LRPPRC: variants seen among roughly 807,000 people sequenced by gnomAD.
LRPPRC encodes the protein leucine rich pentatricopeptide repeat containing.
In LRPPRC, 120 loss-of-function variants were observed where a neutral mutation model predicts 180.3. The observed-to-expected ratio is 0.67, with a 90% CI of 0.57 to 0.77. The LOEUF is 0.77. LRPPRC is among the 30% of genes least tolerant of loss of function. LRPPRC has a pLI of 0.00. For synonymous variants in LRPPRC, 723 were observed against 600.0 expected, an observed-to-expected ratio of 1.21 and a Z score of -3.00; for missense variants, 2,012 against 1,657.2, an observed-to-expected ratio of 1.21 and a Z score of -3.72.
At chr2:43,948,992 G>A (rs1388831670) in intron 16 of LRPPRC, among the ~76,000 whole-genome samples, 1 of 152,088 alleles carries the variant, frequency 6.6e-6, no homozygotes, top group Non-Finnish European at 1.5e-5. Flanking sequence ...TAATCCTGTG[G>A]AGAGCTGCCT....
intron 35 of LRPPRC, 151 bp downstream of exon 35, chr2:43,896,483 A>C (rs558009491): frequency 1.7e-5 from 11 of 629,480 alleles, no homozygotes; most frequent in Middle Eastern, 5.2e-4. Flanking sequence ...ACAGACGACA[A>C]AACTGACTCT....
intron 1 of LRPPRC, among the ~76,000 whole-genome samples, chr2:43,993,917 T>C (rs1295934793): frequency 6.6e-6 from 1 of 151,758 alleles, no homozygotes; most frequent in Non-Finnish European, 1.5e-5. Flanking sequence ...GGAAAGGCCT[T>C]TACAGATAAT....
At chr2:43,934,637 T>A (rs1672206758) in intron 24 of LRPPRC, 117 bp downstream of exon 24, 11 of 820,616 alleles carry the variant, frequency 1.3e-5, no homozygotes, top group Middle Eastern at 3.0e-4. Context: ...TTCACAAGTA[T>A]AAAGAAAGTT....
chr2:43,893,344 AAAC>A (rs1362991704), intron 36 of LRPPRC, among the ~76,000 whole-genome samples: 1 of 152,240 alleles, frequency 6.6e-6, no homozygotes, highest in East Asian at 1.9e-4. Context: ...AAATGCTAAC[AAAC>A]AACATCGCAT....
chr2:43,929,603 A>G (rs371557537), intron 25 of LRPPRC, among the ~76,000 whole-genome samples: 1 of 152,216 alleles, frequency 6.6e-6, no homozygotes, highest in South Asian at 2.1e-4. Flanking sequence ...TATTTACTGA[A>G]GAAAAACCTA....
chr2:43,934,823 C>CT lies in LRPPRC; in HGVS notation c.2559dup (p.Val854SerfsTer7), dbSNP rs1333489321. The stretch of plus-strand genomic sequence containing the variant: ...AAGACATCATGAATCCTTGGTAATA[C>CT]TTTATACTTTTCATAGCAGTCAATG... On this transcript the variant is annotated frameshift_variant, in exon 24 of 38. Coordinates refer to ENST00000260665, the MANE Select transcript of LRPPRC (RefSeq NM_133259.4). LOFTEE classifies it high-confidence loss of function. 6.2e-7 allele frequency: 1 copy of CT among 1,612,286 alleles called. No homozygotes were observed. The highest frequency in any genetic ancestry group is 8.5e-7 in the Non-Finnish European group (1 of 1,178,448).
At chr2:43,959,754 T>C (rs1226053764) in intron 13 of LRPPRC, among the ~76,000 whole-genome samples, 1 of 151,936 alleles carries the variant, frequency 6.6e-6, no homozygotes, top group Non-Finnish European at 1.5e-5. Flanking sequence ...CATAGTGGCA[T>C]GTGCCTATAA....
chr2:43,995,644 C>T (rs1194018133), intron 1 of LRPPRC, 155 bp downstream of exon 1: 59 of 694,870 alleles, frequency 8.5e-5, no homozygotes, highest in Non-Finnish European at 2.1e-6. Context: ...CCCGAAAACC[C>T]CTGGTAGGGA....
At chr2:43,925,297 CACA>C in intron 26 of LRPPRC, 140 bp from the exon 27 acceptor site, 3 of 700,276 alleles carry the variant, frequency 4.3e-6, no homozygotes, top group Middle Eastern at 3.7e-4. Context: ...ATGGGCTGAG[CACA>C]ACAATATGAA....
chr2:43,888,167 C>T lies in LRPPRC; in HGVS notation c.*433G>A, dbSNP rs1378393864. ...TTCGAAAGTTATGCAGGACTTCACA[C>T]ATGTACGGAATGGCTGTATCACAGA... is the stretch of plus-strand genomic sequence containing the variant. On this transcript the variant is annotated 3_prime_UTR_variant, in exon 38 of 38. Coordinates refer to ENST00000260665, the MANE Select transcript of LRPPRC (RefSeq NM_133259.4). The T allele has an allele frequency of 4.7e-6, 1 of 211,208 alleles. No individual in the cohort carries two copies. The highest frequency in any genetic ancestry group is 5.3e-5 in the Admixed American group (1 of 18,878). 13.1% of individuals were successfully genotyped at this position (211,208 alleles called of 1,614,324 possible). A position where few individuals can be genotyped will look rare whatever the true frequency, so the allele number is the denominator to read the frequency against.
At chr2:43,928,058 G>A (rs1382308214) in intron 25 of LRPPRC, among the ~76,000 whole-genome samples, 1 of 152,164 alleles carries the variant, frequency 6.6e-6, no homozygotes, top group Non-Finnish European at 1.5e-5. Flanking sequence ...CTCATATTTA[G>A]TTCTTTCTGT....
upstream of LRPPRC, among the ~76,000 whole-genome samples, chr2:43,996,195 C>T (rs1675074785): frequency 6.6e-6 from 1 of 152,210 alleles, no homozygotes; most frequent in South Asian, 2.1e-4. Context: ...CTTCCGTCTC[C>T]GATCTGGGCA....
In LRPPRC at chr2:43,931,216, A is replaced by T. The variant is rs753107370; in HGVS notation, c.2736+2974T>A. ...CTAGGTTCTCAGAACCAACACAAAGATGAGAAAAAAGTTCTGCTTTAAACT... is the reference window on the plus strand; with the variant it reads ...CTAGGTTCTCAGAACCAACACAAAGTTGAGAAAAAAGTTCTGCTTTAAACT... On this transcript the variant is annotated intron_variant, in intron 25 of 37. Coordinates refer to ENST00000260665, the MANE Select transcript of LRPPRC (RefSeq NM_133259.4). 5.8e-4 allele frequency among the ~76,000 whole-genome samples: 88 copies of T among 152,302 alleles called. 1 individual carries two copies. The highest frequency in any genetic ancestry group is 1.2e-3 in the South Asian group (6 of 4,828).
intron 1 of LRPPRC, among the ~76,000 whole-genome samples, chr2:43,994,951 CACTT>C (rs1674957048): frequency 6.6e-6 from 1 of 152,204 alleles, no homozygotes; most frequent in Non-Finnish European, 1.5e-5. Flanking sequence ...CATTCAAAGA[CACTT>C]ACAGGACGGG....
At chr2:43,981,123 G>A (rs1674288839) in intron 2 of LRPPRC, among the ~76,000 whole-genome samples, 1 of 152,144 alleles carries the variant, frequency 6.6e-6, no homozygotes, top group South Asian at 2.1e-4. Flanking sequence ...GCTTTTGGGG[G>A]TCGGGGGCAG....
intron 11 of LRPPRC, among the ~76,000 whole-genome samples, chr2:43,966,703 C>T (rs1290392341): frequency 6.7e-6 from 1 of 149,950 alleles, no homozygotes; most frequent in African/African-American, 2.5e-5. Context: ...CCACCACGCC[C>T]GGCCAATACA....
chr2:43,991,174 C>T lies in LRPPRC; in HGVS notation c.149+4625G>A, dbSNP rs74197599. Among the ~76,000 whole-genome samples, 77 of 152,030 alleles carry T rather than the reference C, an allele frequency of 5.1e-4. 1 individual carries two copies. In the East Asian group the frequency reaches 9.9e-3, roughly 19 times the overall value. On this transcript the variant is annotated intron_variant, in intron 1 of 37. Coordinates refer to ENST00000260665, the MANE Select transcript of LRPPRC (RefSeq NM_133259.4). ...CCTCCCGAGTAGCTGGGACTACAGGCGCCCGCCACCATTGCTAATTTTGTT... is the reference window on the plus strand; with the variant it reads ...CCTCCCGAGTAGCTGGGACTACAGGTGCCCGCCACCATTGCTAATTTTGTT...
rs543745486 is a variant in LRPPRC, at chr2:43,973,789, T to C, written c.1261+6A>G. ...TTACTTGGCTTTAACTTTAAGAATG[T>C]AGTACCAGTTTTATTGGCGAGTAAA... On this transcript the variant is annotated splice_donor_region_variant and intron_variant, in intron 10 of 37. Coordinates refer to ENST00000260665, the MANE Select transcript of LRPPRC (RefSeq NM_133259.4). 1.7e-5 allele frequency: 27 copies of C among 1,609,296 alleles called. No individual in the cohort carries two copies. Among genetic ancestry groups the C allele is most frequent in the East Asian group, 1.6e-4 (7 of 44,854 alleles).
intron 25 of LRPPRC, among the ~76,000 whole-genome samples, chr2:43,932,123 C>CAAAAAAAAAAAAAAAAAAAAAAAAAAAAA (rs746600862): frequency 4.8e-5 from 1 of 20,846 alleles, no homozygotes; most frequent in African/African-American, 1.9e-4. Context: ...GACCCTGTCT[C>CAAAAAAAAAAAAAAAAAAAAAAAAAAAAA]AAAAAAAAAA....
Sources: gnomAD v4.1 joint callset for allele counts (sites outside exome capture counted in the v4.1 genomes callset) on GRCh38, gnomAD v4.1.1 for gene constraint, MANE v1.5 for transcripts, NCBI Gene and HGNC (gene_info 2026-07-23, HGNC 2026-07-21) for gene names.